The following PDE7B variants were observed in gnomAD, a reference collection of about 807,000 sequenced individuals.
PDE7B encodes the protein 3',5'-cyclic-AMP phosphodiesterase 7B.
In PDE7B, 29 loss-of-function variants were observed where a neutral mutation model predicts 56.2. The observed-to-expected ratio is 0.52, with a 90% CI of 0.38 to 0.70. The LOEUF (loss-of-function observed/expected upper bound fraction) is 0.70. Ranked by LOEUF, PDE7B falls within the 30% of genes least tolerant of loss-of-function variation. PDE7B has a pLI of 0.00. For synonymous variants in PDE7B, 197 were observed against 196.9 expected, an observed-to-expected ratio of 1.00 and a Z score of 0.00; for missense variants, 490 against 565.0, an observed-to-expected ratio of 0.87 and a Z score of 1.35.
chr6:135,935,190 T>A (rs9373155), intron 1 of PDE7B, among the ~76,000 whole-genome samples: 822 of 35,804 alleles, frequency 0.023, 90 homozygotes, highest in African/African-American at 0.069. Flanking sequence ...ATATATTTAT[T>A]TATATATATA....
intron 2 of PDE7B, among the ~76,000 whole-genome samples, chr6:136,053,065 T>A (rs866629425): frequency 1.4e-4 from 22 of 152,266 alleles, no homozygotes; most frequent in South Asian, 2.1e-4. Context: ...CACATTTTTT[T>A]AAAAAAGTTA....
intron 1 of PDE7B, among the ~76,000 whole-genome samples, chr6:135,920,609 GAA>G (rs1217660466): frequency 6.6e-6 from 1 of 152,100 alleles, no homozygotes; most frequent in Non-Finnish European, 1.5e-5. Context: ...CGATGTTTCA[GAA>G]AAAGAGTCAC....
intron 1 of PDE7B, among the ~76,000 whole-genome samples, chr6:135,893,648 C>T (rs368976847): frequency 1.3e-5 from 2 of 152,106 alleles, no homozygotes; most frequent in East Asian, 3.9e-4. Flanking sequence ...TTTGACCCAG[C>T]CATCCCATTA....
intron 1 of PDE7B, among the ~76,000 whole-genome samples, chr6:135,943,113 T>C (rs892682340): frequency 2.0e-5 from 3 of 152,212 alleles, no homozygotes; most frequent in Admixed American, 6.5e-5. Flanking sequence ...AAAACTAATA[T>C]GGGAATTAAA....
At chr6:135,981,863 T>C (rs1034611019) in intron 2 of PDE7B, among the ~76,000 whole-genome samples, 2 of 151,948 alleles carry the variant, frequency 1.3e-5, no homozygotes, top group African/African-American at 4.8e-5. Flanking sequence ...CATTATCAAA[T>C]ATCATGTGCT....
intron 2 of PDE7B, among the ~76,000 whole-genome samples, chr6:136,003,224 C>T (rs1775707025): frequency 6.6e-6 from 1 of 151,808 alleles, no homozygotes; most frequent in South Asian, 2.1e-4. Context: ...AAATTTATAG[C>T]ACTAAATGCC....
chr6:135,916,826 G>C (rs1019895510), intron 1 of PDE7B, among the ~76,000 whole-genome samples: 4 of 151,684 alleles, frequency 2.6e-5, no homozygotes, highest in African/African-American at 9.7e-5. Context: ...TCCTATCCAT[G>C]GCTTGAGAGA....
At chr6:135,952,516 C>G (rs1037764150) in intron 2 of PDE7B, among the ~76,000 whole-genome samples, 4 of 152,132 alleles carry the variant, frequency 2.6e-5, no homozygotes, top group Middle Eastern at 3.4e-3. Flanking sequence ...TATTGTTCAG[C>G]AAGAGATTGA....
intron 1 of PDE7B, among the ~76,000 whole-genome samples, chr6:135,938,198 T>G (rs1430921046): frequency 6.6e-6 from 1 of 152,212 alleles, no homozygotes; most frequent in Non-Finnish European, 1.5e-5. Flanking sequence ...TGCCTCCTGT[T>G]TTCTCCAACA....
chr6:135,902,525 A>C (rs1776022608), intron 1 of PDE7B, among the ~76,000 whole-genome samples: 1 of 152,080 alleles, frequency 6.6e-6, no homozygotes, highest in Admixed American at 6.6e-5. Context: ...GATTTTGAGC[A>C]CTCTCTAAGC....
chr6:136,098,828 A>C (rs922015794), intron 2 of PDE7B, among the ~76,000 whole-genome samples: 4 of 151,732 alleles, frequency 2.6e-5, no homozygotes, highest in Non-Finnish European at 1.5e-5. Context: ...CACAACGTGC[A>C]GGTTTGTTAC....
At chr6:135,899,049 TC>T in intron 1 of PDE7B, among the ~76,000 whole-genome samples, 1 of 152,188 alleles carries the variant, frequency 6.6e-6, no homozygotes, top group East Asian at 1.9e-4. Flanking sequence ...TCTCCTGAGA[TC>T]TGGTGGTTTT....
chr6:135,887,154 C>T (rs991316624), intron 1 of PDE7B, among the ~76,000 whole-genome samples: 5 of 151,996 alleles, frequency 3.3e-5, no homozygotes, highest in South Asian at 2.1e-4. Flanking sequence ...GTTGGCTGTT[C>T]GTAAATCTGT....
chr6:136,144,457 A>T (rs1778381000), intron 3 of PDE7B, among the ~76,000 whole-genome samples: 1 of 152,162 alleles, frequency 6.6e-6, no homozygotes, highest in Non-Finnish European at 1.5e-5. Context: ...CAGACATTCA[A>T]ATAATGTGTT....
chr6:135,864,483 T>C (rs1775213104), intron 1 of PDE7B, among the ~76,000 whole-genome samples: 1 of 152,124 alleles, frequency 6.6e-6, no homozygotes, highest in Admixed American at 6.6e-5. Flanking sequence ...AATTATAGAT[T>C]GTAATCCCCC....
intron 2 of PDE7B, among the ~76,000 whole-genome samples, chr6:135,952,440 A>C (rs1774719487): frequency 6.6e-6 from 1 of 152,168 alleles, no homozygotes; most frequent in Non-Finnish European, 1.5e-5. Context: ...AAGCACCTAC[A>C]AGGTCGTGTG....
intron 1 of PDE7B, among the ~76,000 whole-genome samples, chr6:135,945,611 T>G (rs900712288): frequency 8.5e-5 from 13 of 152,178 alleles, no homozygotes; most frequent in Non-Finnish European, 1.9e-4. Context: ...GAACATGAAT[T>G]CTCACATCCA....
intron 2 of PDE7B, among the ~76,000 whole-genome samples, chr6:135,982,243 T>C (rs1226779980): frequency 6.6e-6 from 1 of 152,188 alleles, no homozygotes; most frequent in African/African-American, 2.4e-5. Flanking sequence ...TACCGCTTTG[T>C]AGAACTCAGG....
intron 1 of PDE7B, among the ~76,000 whole-genome samples, chr6:135,943,362 A>G (rs9494426): frequency 0.3 from 46,062 of 152,120 alleles, 7,780 homozygotes; most frequent in African/African-American, 0.46. Context: ...AATTTTGATC[A>G]GTCTGATCCA....
Sources: allele counts gnomAD v4.1 joint callset (sites outside exome capture counted in the v4.1 genomes callset), GRCh38; gene constraint gnomAD v4.1.1; transcripts MANE v1.5; gene names NCBI Gene and HGNC (gene_info 2026-07-23, HGNC 2026-07-21).